NSRP1: variants seen among roughly 807,000 people sequenced by gnomAD.
NSRP1 encodes nuclear speckle splicing regulatory protein 1.
NSRP1 carries 24 observed loss-of-function variants against 54.7 expected under a neutral mutation model. That is an observed-to-expected ratio of 0.44 (90% CI 0.32 to 0.62). The LOEUF is 0.62. Ranked by LOEUF, NSRP1 falls within the 20% of genes least tolerant of loss-of-function variation. NSRP1 has a pLI of 0.06. For missense variants in NSRP1, 596 were observed against 651.2 expected (o/e 0.92, Z 0.92); for synonymous variants, 210 against 213.8 (o/e 0.98, Z 0.15).
rs1008672552 is a variant in NSRP1, at chr17:30,176,655, C to T, written c.172-1416C>T. ...AGCCCTCAGTCTCCCTTTTTCCTTG[C>T]TTTTTGTTATTGTAGTGGTGATTAT... On this transcript the variant is annotated intron_variant, in intron 3 of 6. Transcript: ENST00000247026. Among the ~76,000 whole-genome samples the T allele has an allele frequency of 2.9e-5, 4 of 138,308 alleles. 1 individual carries two copies. Among genetic ancestry groups the T allele is most frequent in the Admixed American group, 1.4e-4 (2 of 13,916 alleles). 90.7% of individuals were successfully genotyped at this position (138,308 alleles called of 152,430 possible).
chr17:30,140,520 C>CTTTTTTTTTT (rs10608409), intron 2 of NSRP1, among the ~76,000 whole-genome samples: 1 of 50,310 alleles, frequency 2.0e-5, no homozygotes, highest in African/African-American at 7.8e-5. Flanking sequence ...TCAGATTTTA[C>CTTTTTTTTTT]TTTTTTTTTT....
chr17:30,138,128 G>T (rs868585165), intron 2 of NSRP1, among the ~76,000 whole-genome samples: 4 of 152,064 alleles, frequency 2.6e-5, no homozygotes, highest in Non-Finnish European at 5.9e-5. Context: ...TTTTTGTGAC[G>T]GGGTTATTTC....
intron 6 of NSRP1, among the ~76,000 whole-genome samples, chr17:30,182,832 G>C (rs1905360001): frequency 6.6e-6 from 1 of 151,978 alleles, no homozygotes; most frequent in South Asian, 2.1e-4. Context: ...TACTTGGGAG[G>C]CTGAGGCAGG....
At chr17:30,165,021 G>A (rs1904680189) in intron 2 of NSRP1, among the ~76,000 whole-genome samples, 2 of 152,084 alleles carry the variant, frequency 1.3e-5, no homozygotes, top group Non-Finnish European at 2.9e-5. Context: ...AGAACGAAAT[G>A]TTTTTGCGAT....
chr17:30,177,244 G>A (rs1283980808), intron 3 of NSRP1, among the ~76,000 whole-genome samples: 4 of 152,098 alleles, frequency 2.6e-5, no homozygotes, highest in South Asian at 4.1e-4. Flanking sequence ...GGTGGCACAC[G>A]CCTGTAGTCC....
chr17:30,151,824 C>G (rs895986411), intron 2 of NSRP1, among the ~76,000 whole-genome samples: 2 of 127,546 alleles, frequency 1.6e-5, no homozygotes, highest in Non-Finnish European at 3.2e-5. Flanking sequence ...CTTTTGTTAC[C>G]TAGGCTGGAG....
At chr17:30,184,511 G>A (rs1005776453) in intron 6 of NSRP1, 104 bp from the exon 7 acceptor site, 28 of 1,387,694 alleles carry the variant, frequency 2.0e-5, no homozygotes, top group Non-Finnish European at 2.6e-5. Context: ...CACTATAGGT[G>A]TATTGATTTG....
chr17:30,148,703 G>C (rs1416230331), intron 2 of NSRP1, among the ~76,000 whole-genome samples: 1 of 152,192 alleles, frequency 6.6e-6, no homozygotes, highest in Admixed American at 6.5e-5. Flanking sequence ...TTGCTTCCTG[G>C]CTTGTAGGGG....
chr17:30,120,036 C>T (rs532787809), intron 2 of NSRP1, among the ~76,000 whole-genome samples: 23 of 152,112 alleles, frequency 1.5e-4, no homozygotes, highest in African/African-American at 5.5e-4. Flanking sequence ...CTTTCCATAC[C>T]CTCCTGCAGT....
intron 2 of NSRP1, among the ~76,000 whole-genome samples, chr17:30,124,996 C>G (rs1441339566): frequency 6.6e-6 from 1 of 152,090 alleles, no homozygotes; most frequent in African/African-American, 2.4e-5. Flanking sequence ...GTCAGTAGTT[C>G]AAGACCAGCC....
chr17:30,135,306 A>G (rs779779370), intron 2 of NSRP1, among the ~76,000 whole-genome samples: 29 of 150,034 alleles, frequency 1.9e-4, no homozygotes, highest in South Asian at 2.1e-4. Flanking sequence ...TTTTTTTTGT[A>G]GAGACAGGAT....
At chr17:30,173,343 A>G (rs754034706) in intron 3 of NSRP1, among the ~76,000 whole-genome samples, 10 of 152,210 alleles carry the variant, frequency 6.6e-5, no homozygotes, top group Non-Finnish European at 1.3e-4. Flanking sequence ...AAACTTGCCC[A>G]TAGTACTGAT....
rs531858263 is a variant in NSRP1 at position 30,134,423 on chromosome 17, A to G, written c.114+16250A>G. ...CTTACTCAATGCTGGGTTGCCACACATCTTCAATTTGTAGTAAAACATCCG... is the reference window on the plus strand; with the variant it reads ...CTTACTCAATGCTGGGTTGCCACACGTCTTCAATTTGTAGTAAAACATCCG... On this transcript the variant is annotated intron_variant, in intron 2 of 6. Coordinates refer to ENST00000247026, the MANE Select transcript of NSRP1 (RefSeq NM_032141.4). 2.0e-5 allele frequency among the ~76,000 whole-genome samples: 3 copies of G among 152,372 alleles called. No individual in the cohort carries two copies. The East Asian group carries it at 5.8e-4, about 29-fold the overall frequency.
chr17:30,136,915 A>C (rs1459053959), intron 2 of NSRP1, among the ~76,000 whole-genome samples: 1 of 152,110 alleles, frequency 6.6e-6, no homozygotes, highest in Non-Finnish European at 1.5e-5. Flanking sequence ...TTTTTTTTGT[A>C]TGTGGATATA....
chr17:30,183,124 A>C (rs1210710762), intron 6 of NSRP1, among the ~76,000 whole-genome samples: 1 of 152,012 alleles, frequency 6.6e-6, no homozygotes, highest in African/African-American at 2.4e-5. Flanking sequence ...GTAAAGGATT[A>C]GAGGATTTTT....
chr17:30,177,202 C>A (rs1307762711), intron 3 of NSRP1, among the ~76,000 whole-genome samples: 2 of 151,854 alleles, frequency 1.3e-5, no homozygotes, highest in Admixed American at 6.6e-5. Context: ...GAAACTCTGT[C>A]TCTACAAAAC....
chr17:30,176,468 G>C (rs978044635), intron 3 of NSRP1, among the ~76,000 whole-genome samples: 1 of 152,010 alleles, frequency 6.6e-6, no homozygotes, highest in Non-Finnish European at 1.5e-5. Context: ...AAATTAGCCA[G>C]GCATGGTAGC....
At chr17:30,181,695 C>T (rs1329568798) in intron 6 of NSRP1, among the ~76,000 whole-genome samples, 2 of 150,538 alleles carry the variant, frequency 1.3e-5, no homozygotes, top group South Asian at 4.2e-4. Flanking sequence ...ACTGCAACCT[C>T]TGCCTCTCAA....
chr17:30,143,471 G>T (rs147928818), intron 2 of NSRP1, among the ~76,000 whole-genome samples: 12 of 151,984 alleles, frequency 7.9e-5, no homozygotes, highest in African/African-American at 2.7e-4. Context: ...TGGTCATTGT[G>T]GTTATATATT....
Sources: gnomAD v4.1 joint callset for allele counts (sites outside exome capture counted in the v4.1 genomes callset) on GRCh38, gnomAD v4.1.1 for gene constraint, MANE v1.5 for transcripts, NCBI Gene and HGNC (gene_info 2026-07-23, HGNC 2026-07-21) for gene names.